TK1: variants seen among roughly 807,000 people sequenced by gnomAD.
The protein encoded by TK1 is thymidine kinase 1, also known as thymidine kinase, cytosolic.
A neutral mutation model predicts 22.4 loss-of-function variants in TK1; 13 were observed. The ratio of observed to expected loss-of-function variants is 0.58; its 90% CI spans 0.38 to 0.92. The LOEUF is 0.92. TK1 is among the 40% of genes least tolerant of loss of function. The pLI, the probability that TK1 is intolerant of heterozygous loss-of-function variation, is 0.00. For missense variants in TK1, 251 were observed against 315.7 expected, an observed-to-expected ratio of 0.80 and a Z score of 1.55; for synonymous variants, 134 against 125.4, an observed-to-expected ratio of 1.07 and a Z score of -0.46.
intron 2 of TK1, among the ~76,000 whole-genome samples, chr17:78,186,416 A>G (rs1459957962): frequency 6.6e-6 from 1 of 151,978 alleles, no homozygotes; most frequent in African/African-American, 2.4e-5. Flanking sequence ...AAACAGCCAC[A>G]TTGAATAGGG....
At chr17:78,180,352 C>G (rs1356403466) in intron 4 of TK1, among the ~76,000 whole-genome samples, 1 of 152,232 alleles carries the variant, frequency 6.6e-6, no homozygotes, top group Non-Finnish European at 1.5e-5. Context: ...ATGTTTATAT[C>G]AAACCACCAC....
In TK1 at chr17:78,183,573, C is replaced by A. The variant is rs527618380; in HGVS notation, c.210-891G>T. ...GGGTGTGGTGGTGTGCGCCTGTAGT[C>A]CCACCTGCTCAGGGGGCTGAGGTGG... On this transcript the variant is annotated intron_variant, in intron 3 of 6. Coordinates refer to ENST00000301634, the MANE Select transcript of TK1 (RefSeq NM_003258.5). Among the ~76,000 whole-genome samples the A allele has an allele frequency of 9.9e-4, 150 of 152,152 alleles. No individual in the cohort carries two copies. In the Middle Eastern group the frequency reaches 0.014, roughly 14 times the overall value.
chr17:78,185,174 GGA>G lies in TK1; in HGVS notation c.99-11_99-10del. 6.2e-7 allele frequency: 1 copy of G among 1,611,884 alleles called. No individual in the cohort carries two copies. Among genetic ancestry groups the G allele is most frequent in the Non-Finnish European group, 8.5e-7 (1 of 1,178,570 alleles). ...GTCTCATCAACTCTGTGCTGCAAGAGGAGAGAGGGTCAGGTGAGGTCCACGGC... is the reference window on the plus strand; with the variant it reads ...GTCTCATCAACTCTGTGCTGCAAGAGGAGAGGGTCAGGTGAGGTCCACGGC... On this transcript the variant is annotated splice_polypyrimidine_tract_variant and intron_variant, in intron 2 of 6. Coordinates refer to ENST00000301634, the MANE Select transcript of TK1 (RefSeq NM_003258.5).
chr17:78,182,749 G>A, intron 3 of TK1, 67 bp from the exon 4 acceptor site: 1 of 1,278,606 alleles, frequency 7.8e-7, no homozygotes, highest in South Asian at 1.5e-5. Context: ...AGGGGCCAGG[G>A]AATGGCACTG....
intron 4 of TK1, 55 bp downstream of exon 4, chr17:78,182,534 G>A (rs1287266125): frequency 2.1e-5 from 29 of 1,386,974 alleles, no homozygotes; most frequent in African/African-American, 1.3e-4. Context: ...GAGGGAAAAC[G>A]GGAGGACAGA....
At chr17:78,177,402 A>G (rs1219419805) in intron 4 of TK1, among the ~76,000 whole-genome samples, 1 of 152,218 alleles carries the variant, frequency 6.6e-6, no homozygotes, top group African/African-American at 2.4e-5. Context: ...TCTATAAAAC[A>G]TAAATGGATT....
At chr17:78,184,840 G>A (rs2075769119) in intron 3 of TK1, among the ~76,000 whole-genome samples, 1 of 152,020 alleles carries the variant, frequency 6.6e-6, no homozygotes. Context: ...TTGTCAAATG[G>A]ACCCTGGCGG....
chr17:78,180,748 A>G (rs2075732537), intron 4 of TK1, among the ~76,000 whole-genome samples: 1 of 152,240 alleles, frequency 6.6e-6, no homozygotes, highest in African/African-American at 2.4e-5. Context: ...GGATGAGGAG[A>G]GAAATACCTG....
At chr17:78,187,070 C>A (rs2075813394), upstream of TK1, 3 of 1,465,454 alleles carry the variant, frequency 2.0e-6, no homozygotes, top group Admixed American at 3.6e-5. Flanking sequence ...CCCGCGCCGA[C>A]CGCTTTAAAC....
intron 4 of TK1, among the ~76,000 whole-genome samples, chr17:78,176,785 T>C (rs2075703363): frequency 6.6e-6 from 1 of 152,194 alleles, no homozygotes; most frequent in Admixed American, 6.5e-5. Context: ...CGCTGTGTCC[T>C]GTGCAGTGTA....
intron 3 of TK1, among the ~76,000 whole-genome samples, chr17:78,183,296 G>A (rs1003298688): frequency 1.3e-5 from 2 of 152,114 alleles, no homozygotes; most frequent in African/African-American, 2.4e-5. Flanking sequence ...ATACCATTAG[G>A]GGCCAGCCAA....
At chr17:78,178,396 C>T (rs2075715832) in intron 4 of TK1, among the ~76,000 whole-genome samples, 1 of 152,120 alleles carries the variant, frequency 6.6e-6, no homozygotes, top group South Asian at 2.1e-4. Context: ...GTGTGTCTCG[C>T]CCGGGGTACA....
In TK1 at chr17:78,175,045, G is replaced by T; in HGVS notation, c.513+5C>A. 2 of 1,613,224 alleles carry T rather than the reference G, an allele frequency of 1.2e-6. No homozygotes were observed. Among genetic ancestry groups the T allele is most frequent in the Non-Finnish European group, 8.5e-7 (1 of 1,179,530 alleles). Reference sequence around the variant, plus strand: ...CCGGCCTGCAGGGAAGGCAGGTGGAGCTACCTCCTTCTCTGTGCCGAGCCT... The same window carrying T: ...CCGGCCTGCAGGGAAGGCAGGTGGATCTACCTCCTTCTCTGTGCCGAGCCT... On this transcript the variant is annotated splice_donor_5th_base_variant and intron_variant, in intron 6 of 6. Transcript: ENST00000301634.
intron 3 of TK1, among the ~76,000 whole-genome samples, chr17:78,183,008 A>G (rs1370049118): frequency 6.6e-6 from 1 of 152,178 alleles, no homozygotes; most frequent in Admixed American, 6.5e-5. Flanking sequence ...AGCTGGGACT[A>G]CTGGCACACA....
chr17:78,182,633 C>G lies in TK1; in HGVS notation c.259G>C (p.Glu87Gln). The G allele has an allele frequency of 6.3e-7, 1 of 1,596,852 alleles. No homozygotes were observed. Among genetic ancestry groups the G allele is most frequent in the Non-Finnish European group, 8.5e-7 (1 of 1,172,952 alleles). The stretch of plus-strand genomic sequence containing the variant: ...CCTATGACAGCCACGCCCAGGGCCT[C>G]CTGGGCCACGTCTCGGAGCAGGCAG... The part of the protein sequence containing the change: ...PACLLRDVAQ[E>Q]ALGVAVIGID... Residue 87 changes from glutamate (E) to glutamine (Q), a missense_variant, in exon 4 of 7, where the codon GAG becomes CAG. Coordinates refer to ENST00000301634, the MANE Select transcript of TK1 (RefSeq NM_003258.5).
At chr17:78,186,550 C>T (rs577450774) in intron 2 of TK1, among the ~76,000 whole-genome samples, 1 of 151,932 alleles carries the variant, frequency 6.6e-6, no homozygotes, top group Non-Finnish European at 1.5e-5. Context: ...GGCGTCCACA[C>T]AGGACGAGGG....
Position 78,175,591 on chromosome 17 carries a change from C to A in TK1, c.331G>T (p.Ala111Ser), listed in dbSNP as rs1018817221. The change falls in exon 5 of 7, where the codon GCC becomes TCC. Residue 111 changes from alanine (A) to serine (S), a missense_variant. Ala to Ser is a moderately conservative substitution (Grantham distance 99). Transcript: ENST00000301634. ...FFPDIVEFCE[A>S]MANAGKTVIV... ...ACGGTCTTCCCGGCGTTGGCCATGG[C>A]CTCGCAGAACTCCACGATGTCAGGG... 20 of 1,613,576 alleles carry A rather than the reference C, an allele frequency of 1.2e-5. No homozygotes were observed. The highest frequency in any genetic ancestry group is 1.5e-5 in the Non-Finnish European group (18 of 1,179,858).
chr17:78,179,807 C>G, intron 4 of TK1: 1 of 957,750 alleles, frequency 1.0e-6, no homozygotes, highest in Non-Finnish European at 1.2e-6. Context: ...TGGTGGCTCA[C>G]GCCTGTAATC....
At chr17:78,184,477 G>C (rs919575318) in intron 3 of TK1, among the ~76,000 whole-genome samples, 11 of 152,218 alleles carry the variant, frequency 7.2e-5, no homozygotes, top group Non-Finnish European at 1.0e-4. Context: ...CTCCCAAACT[G>C]AGGTTGCAGG....
Sources: allele counts gnomAD v4.1 joint callset (sites outside exome capture counted in the v4.1 genomes callset), GRCh38; gene constraint gnomAD v4.1.1; transcripts MANE v1.5; gene names NCBI Gene and HGNC (gene_info 2026-07-23, HGNC 2026-07-21).